Variants in PTPRF observed in about 807,000 individuals in gnomAD.
PTPRF encodes the protein receptor-type tyrosine-protein phosphatase F.
Under a neutral mutation model 201.8 loss-of-function variants are expected in PTPRF, and 59 were observed. That is an observed-to-expected ratio of 0.29 (90% confidence interval 0.24 to 0.36). The LOEUF is 0.36. Among genes scored for constraint, PTPRF ranks in the 10% least tolerant of loss-of-function variants. PTPRF has a pLI of 1.00. For missense variants in PTPRF, 2,132 were observed against 2,690.5 expected (o/e 0.79, Z 4.59); for synonymous variants, 1,088 against 1,089.7 (o/e 1.00, Z 0.03).
At chr1:43,526,031 A>G (rs1643093533), upstream of PTPRF, among the ~76,000 whole-genome samples, 1 of 151,886 alleles carries the variant, frequency 6.6e-6, no homozygotes, top group South Asian at 2.1e-4. Context: ...AGACATGCGC[A>G]TGGGCAGATG....
At chr1:43,569,075 G>A (rs1001813528) in intron 5 of PTPRF, among the ~76,000 whole-genome samples, 3 of 152,208 alleles carry the variant, frequency 2.0e-5, no homozygotes, top group African/African-American at 7.2e-5. Flanking sequence ...GAGACCAGGC[G>A]GTGACCTGGG....
intron 2 of PTPRF, among the ~76,000 whole-genome samples, chr1:43,539,599 G>C (rs954882680): frequency 6.6e-6 from 1 of 152,236 alleles, no homozygotes. Flanking sequence ...CGTTTGGTGA[G>C]ATGGGCACTG....
chr1:43,549,094 C>A lies in PTPRF; in HGVS notation c.91+3928C>A, dbSNP rs111586676. On this transcript the variant is annotated intron_variant, in intron 3 of 33. Transcript: ENST00000359947. ...GCTGTGCTGAAAGGGCTGTGCGGCC[C>A]CCGACCACTGTGTGTGTCAGGGAGG... Among the ~76,000 whole-genome samples the A allele has an allele frequency of 2.6e-5, 4 of 152,318 alleles. 1 individual carries two copies. Among genetic ancestry groups the A allele is most frequent in the African/African-American group, 9.6e-5 (4 of 41,560 alleles).
At chr1:43,547,048 TG>T (rs2153966299) in intron 3 of PTPRF, among the ~76,000 whole-genome samples, 1 of 152,240 alleles carries the variant, frequency 6.6e-6, no homozygotes, top group Non-Finnish European at 1.5e-5. Context: ...TGTCACAAGG[TG>T]AAAACATCAT....
rs548807283 is a variant in PTPRF, at chr1:43,570,352, C to T, written c.568+574C>T. Among the ~76,000 whole-genome samples the T allele has an allele frequency of 8.5e-5, 13 of 152,340 alleles. No individual in the cohort carries two copies. The East Asian group carries it at 2.3e-3, about 27-fold the overall frequency. On this transcript the variant is annotated intron_variant, in intron 6 of 33. Transcript: ENST00000359947. ...AGGAGGGAGGTGTCACCCCATTGAT[C>T]GATCTGCCTGTGAGGCTCCTGCCAG... is the stretch of plus-strand genomic sequence containing the variant.
chr1:43,597,315 T>C (rs1652558254), intron 11 of PTPRF, among the ~76,000 whole-genome samples: 1 of 151,740 alleles, frequency 6.6e-6, no homozygotes, highest in Admixed American at 6.6e-5. Flanking sequence ...GTGGAGACTA[T>C]GTGTGAGACA....
At chr1:43,612,132 G>C (rs1021847741) in intron 22 of PTPRF, among the ~76,000 whole-genome samples, 5 of 152,318 alleles carry the variant, frequency 3.3e-5, no homozygotes, top group Admixed American at 6.5e-5. Context: ...AGGGTTGGGG[G>C]AGTTGTGCAA....
In PTPRF at chr1:43,606,805, G is replaced by A. The variant is rs1198314459; in HGVS notation, c.3703-9G>A. On this transcript the variant is annotated splice_polypyrimidine_tract_variant and intron_variant, in intron 20 of 33. Coordinates refer to ENST00000359947, the MANE Select transcript of PTPRF (RefSeq NM_002840.5). ...AGCTCACAGCCTGCTGTTCTCCACC[G>A]GGCCACAGAAGCGCTATGCCTCCAG... 2.5e-6 allele frequency: 4 copies of A among 1,612,038 alleles called. No homozygotes were observed. The highest frequency in any genetic ancestry group is 3.4e-6 in the Non-Finnish European group (4 of 1,179,226).
chr1:43,578,252 G>A (rs1236285062), intron 6 of PTPRF, among the ~76,000 whole-genome samples: 1 of 152,236 alleles, frequency 6.6e-6, no homozygotes, highest in African/African-American at 2.4e-5. Context: ...GGCGGGGAGG[G>A]GGTGGAGTAG....
chr1:43,573,614 C>T (rs1646720156), intron 6 of PTPRF, among the ~76,000 whole-genome samples: 1 of 152,254 alleles, frequency 6.6e-6, no homozygotes, highest in South Asian at 2.1e-4. Flanking sequence ...GGAAGGCACA[C>T]TGCCAGTGCA....
At chr1:43,615,644 G>A (rs530142844) in intron 23 of PTPRF, among the ~76,000 whole-genome samples, 1 of 142,800 alleles carries the variant, frequency 7.0e-6, no homozygotes, top group Non-Finnish European at 1.5e-5. Context: ...TCGGCTCAGT[G>A]CAAGCTCTGC....
At chr1:43,597,657 C>T (rs778323442) in intron 11 of PTPRF, 91 bp from the exon 12 acceptor site, 43 of 977,444 alleles carry the variant, frequency 4.4e-5, no homozygotes, top group Non-Finnish European at 5.2e-5. Context: ...GTAGCCTGCC[C>T]GGGTGAGTCT....
At chr1:43,602,147 C>G in intron 14 of PTPRF, 50 bp downstream of exon 14, 2 of 1,574,146 alleles carry the variant, frequency 1.3e-6, no homozygotes, top group Non-Finnish European at 1.7e-6. Context: ...AAGCTGGGCT[C>G]GTGGGACGCT....
intron 13 of PTPRF, 33 bp from the exon 14 acceptor site, chr1:43,602,038 C>T: frequency 6.2e-7 from 1 of 1,606,880 alleles, no homozygotes; most frequent in Non-Finnish European, 8.5e-7. Flanking sequence ...CTTCACCATC[C>T]TGTCTCCCTT....
At chr1:43,558,398 C>T (rs187807947) in intron 5 of PTPRF, among the ~76,000 whole-genome samples, 1 of 152,266 alleles carries the variant, frequency 6.6e-6, no homozygotes, top group East Asian at 1.9e-4. Flanking sequence ...AGTGCCCCCC[C>T]AAATCCCCCA....
chr1:43,573,539 C>T (rs1263220068), intron 6 of PTPRF, among the ~76,000 whole-genome samples: 1 of 152,252 alleles, frequency 6.6e-6, no homozygotes, highest in Admixed American at 6.5e-5. Context: ...TGCTGGCTGG[C>T]CCCAGCTCTG....
intron 5 of PTPRF, among the ~76,000 whole-genome samples, chr1:43,562,357 C>G (rs904399814): frequency 6.6e-6 from 1 of 152,010 alleles, no homozygotes; most frequent in African/African-American, 2.4e-5. Flanking sequence ...ATCCACCCGC[C>G]TCAGCCTCCC....
chr1:43,549,878 TAAAGA>T (rs911012485), intron 3 of PTPRF, among the ~76,000 whole-genome samples: 6 of 150,090 alleles, frequency 4.0e-5, no homozygotes, highest in African/African-American at 1.5e-4. Context: ...AAAAAAAGAC[TAAAGA>T]AAAGTGAGCC....
chr1:43,576,186 C>T (rs1646917306), intron 6 of PTPRF, among the ~76,000 whole-genome samples: 1 of 152,234 alleles, frequency 6.6e-6, no homozygotes, highest in African/African-American at 2.4e-5. Context: ...CCCTGCTGCC[C>T]AGGCCTTCCA....
Sources: allele counts gnomAD v4.1 joint callset (sites outside exome capture counted in the v4.1 genomes callset), GRCh38; gene constraint gnomAD v4.1.1; transcripts MANE v1.5; gene names NCBI Gene and HGNC (gene_info 2026-07-23, HGNC 2026-07-21).